The following HS2ST1 variants were observed in gnomAD, a reference collection of about 807,000 sequenced individuals.
The protein encoded by HS2ST1 is 2-O-sulfotransferase.
A neutral mutation model predicts 42.9 loss-of-function variants in HS2ST1; 18 were observed. That is an observed-to-expected ratio of 0.42 (90% CI 0.29 to 0.62). The LOEUF (loss-of-function observed/expected upper bound fraction) is 0.62, where lower values mean the gene tolerates loss of function less well. HS2ST1 is among the 20% of genes least tolerant of loss of function. The pLI is 0.21. For synonymous variants in HS2ST1, 146 were observed against 152.9 expected (o/e 0.95, Z 0.33); for missense variants, 334 against 433.8 (o/e 0.77, Z 2.04).
intron 1 of HS2ST1, among the ~76,000 whole-genome samples, chr1:86,960,260 CTT>C (rs1177969530): frequency 1.4e-5 from 2 of 145,228 alleles, no homozygotes; most frequent in African/African-American, 5.0e-5. Flanking sequence ...TTGACACAGA[CTT>C]TATACTTTTC....
At chr1:87,006,014 T>C (rs1010672419) in intron 1 of HS2ST1, among the ~76,000 whole-genome samples, 2 of 152,152 alleles carry the variant, frequency 1.3e-5, no homozygotes, top group African/African-American at 4.8e-5. Flanking sequence ...AGGGTTTTCA[T>C]AACTTTCTAA....
At chr1:86,934,955 G>C (rs1221849384) in intron 1 of HS2ST1, 1 of 119,420 alleles carries the variant, frequency 8.4e-6, no homozygotes, top group African/African-American at 3.6e-5. Flanking sequence ...AAAAAAAAGA[G>C]TTACTGATTT....
chr1:86,939,448 T>A (rs1660719940), intron 1 of HS2ST1, among the ~76,000 whole-genome samples: 1 of 152,250 alleles, frequency 6.6e-6, no homozygotes, highest in South Asian at 2.1e-4. Context: ...AAAAAGTAGA[T>A]ACTACTTAAC....
intron 1 of HS2ST1, among the ~76,000 whole-genome samples, chr1:87,067,587 T>G (rs1057218046): frequency 5.9e-5 from 9 of 152,232 alleles, no homozygotes; most frequent in Non-Finnish European, 8.8e-5. Flanking sequence ...ATCCCATTTG[T>G]CAATTTTGGC....
At chr1:87,004,946 A>G (rs10493794) in intron 1 of HS2ST1, among the ~76,000 whole-genome samples, 105,944 of 152,126 alleles carry the variant, frequency 0.7, 39,182 homozygotes, top group East Asian at 0.97. Context: ...ATCCTTGGAA[A>G]TAATAGTTTG....
At chr1:87,029,665 A>T (rs1405934557) in intron 1 of HS2ST1, among the ~76,000 whole-genome samples, 1 of 152,222 alleles carries the variant, frequency 6.6e-6, no homozygotes. Context: ...AATACTCAAT[A>T]CTGAGTTTTG....
chr1:87,052,346 T>C (rs774193193), intron 1 of HS2ST1, among the ~76,000 whole-genome samples: 5 of 152,206 alleles, frequency 3.3e-5, no homozygotes, highest in Non-Finnish European at 7.3e-5. Context: ...AAGCCAGGAC[T>C]GGAACTTGTA....
At chr1:87,030,469 A>T (rs1323774359) in intron 1 of HS2ST1, among the ~76,000 whole-genome samples, 1 of 151,966 alleles carries the variant, frequency 6.6e-6, no homozygotes, top group Non-Finnish European at 1.5e-5. Context: ...CTGCACTCCA[A>T]CCTGGGTGAC....
At chr1:87,088,395 A>T (rs1180836818) in intron 3 of HS2ST1, among the ~76,000 whole-genome samples, 1 of 152,082 alleles carries the variant, frequency 6.6e-6, no homozygotes, top group African/African-American at 2.4e-5. Context: ...TTTGATGCAC[A>T]TATCAGTAGT....
At chr1:87,011,844 T>C (rs746554148) in intron 1 of HS2ST1, among the ~76,000 whole-genome samples, 2 of 152,242 alleles carry the variant, frequency 1.3e-5, no homozygotes, top group South Asian at 2.1e-4. Context: ...GAATTGATAT[T>C]GTAACTTTCT....
At chr1:87,052,903 A>G (rs1650871830) in intron 1 of HS2ST1, among the ~76,000 whole-genome samples, 2 of 152,220 alleles carry the variant, frequency 1.3e-5, no homozygotes, top group Admixed American at 6.5e-5. Flanking sequence ...CTGGACCATC[A>G]TATCAGCATT....
At chr1:87,046,377 C>A in intron 1 of HS2ST1, 1 of 768,622 alleles carries the variant, frequency 1.3e-6, no homozygotes, top group South Asian at 1.3e-5. Flanking sequence ...TATCTCCTGA[C>A]AGAGCTGACC....
intron 1 of HS2ST1, among the ~76,000 whole-genome samples, chr1:87,033,833 C>T (rs886475836): frequency 3.3e-5 from 5 of 152,140 alleles, no homozygotes; most frequent in African/African-American, 4.8e-5. Context: ...CGTGAGCCAC[C>T]GCCCCCGGCC....
At chr1:86,933,637 A>G (rs1390609335) in intron 1 of HS2ST1, among the ~76,000 whole-genome samples, 1 of 151,664 alleles carries the variant, frequency 6.6e-6, no homozygotes, top group Non-Finnish European at 1.5e-5. Flanking sequence ...TCTCTGCCAT[A>G]TATGAGTCTG....
intron 1 of HS2ST1, among the ~76,000 whole-genome samples, chr1:86,949,205 T>G (rs1377566502): frequency 6.6e-6 from 1 of 152,134 alleles, no homozygotes; most frequent in East Asian, 1.9e-4. Flanking sequence ...GCCTCCTGGG[T>G]TCAAGTGATT....
At position 87,061,919 on chromosome 1, in the gene HS2ST1, C is replaced by CT. The variant is rs535755288; in HGVS notation, c.125-11002dup. Among the ~76,000 whole-genome samples the CT allele has an allele frequency of 9.2e-3, 1,299 of 141,796 alleles. 24 individuals carry two copies. The highest frequency in any genetic ancestry group is 0.03 in the African/African-American group (1,164 of 38,916). 93.0% of individuals were successfully genotyped at this position (141,796 alleles called of 152,430 possible). ...ATTTGTTATTTTCCTATTCTTTTCT[C>CT]TTTTTTTTTTTTTAAGTTTTTGGTT... On this transcript the variant is annotated intron_variant, in intron 1 of 6. Coordinates refer to ENST00000370550, the MANE Select transcript of HS2ST1 (RefSeq NM_012262.4).
chr1:87,035,433 C>A (rs528539261), intron 1 of HS2ST1, among the ~76,000 whole-genome samples: 7 of 152,082 alleles, frequency 4.6e-5, no homozygotes, highest in African/African-American at 1.7e-4. Flanking sequence ...TTCTAAGTTA[C>A]TTTTTTCTCT....
chr1:86,923,551 C>T (rs1660348125), intron 1 of HS2ST1, among the ~76,000 whole-genome samples: 2 of 152,164 alleles, frequency 1.3e-5, no homozygotes, highest in East Asian at 1.9e-4. Flanking sequence ...TGCCTGCCAC[C>T]ACGCCTGGCC....
chr1:87,067,336 T>G (rs1281360170), intron 1 of HS2ST1, among the ~76,000 whole-genome samples: 1 of 152,264 alleles, frequency 6.6e-6, no homozygotes, highest in Non-Finnish European at 1.5e-5. Flanking sequence ...TGATGAGCTT[T>G]TTTTCATATA....
Sources: gnomAD v4.1 joint callset for allele counts (sites outside exome capture counted in the v4.1 genomes callset) on GRCh38, gnomAD v4.1.1 for gene constraint, MANE v1.5 for transcripts, NCBI Gene and HGNC (gene_info 2026-07-23, HGNC 2026-07-21) for gene names.